The following CASK variants were observed in gnomAD, a reference collection of about 807,000 sequenced individuals.
CASK encodes the protein calcium/calmodulin dependent serine protein kinase.
CASK carries 4 observed loss-of-function variants against 82.9 expected under a neutral mutation model. The observed-to-expected ratio is 0.05, with a 90% CI of 0.02 to 0.11. The LOEUF is 0.11. CASK is among the 10% of genes least tolerant of loss of function. CASK has a pLI of 1.00. For synonymous variants in CASK, 259 were observed against 253.5 expected (o/e 1.02, Z -0.20); for missense variants, 358 against 720.9 (o/e 0.50, Z 5.76).
chrX:41,773,514 C>T (rs1424042721), intron 3 of CASK, among the ~76,000 whole-genome samples: 2 of 111,317 alleles, frequency 1.8e-5, no homozygotes, highest in African/African-American at 6.5e-5. Context: ...CAATGCAATT[C>T]ACTACAGCAA....
At chrX:41,680,689 C>T (rs1357434420) in intron 5 of CASK, among the ~76,000 whole-genome samples, 1 of 109,579 alleles carries the variant, frequency 9.1e-6, no homozygotes, top group Non-Finnish European at 1.9e-5. Context: ...AAGGCCGAGG[C>T]GGGAGGATCA....
At chrX:41,678,484 T>G (rs746612941) in intron 5 of CASK, among the ~76,000 whole-genome samples, 1 of 112,203 alleles carries the variant, frequency 8.9e-6, no homozygotes, top group Non-Finnish European at 1.9e-5. Flanking sequence ...AGATTCAGAT[T>G]CAATTTTAGT....
chrX:41,820,300 A>G (rs1248452536), intron 2 of CASK, among the ~76,000 whole-genome samples: 2 of 111,344 alleles, frequency 1.8e-5, no homozygotes, highest in Non-Finnish European at 3.8e-5. Flanking sequence ...AGCCACTAGA[A>G]TAAGTAAATT....
At chrX:41,868,438 A>G (rs1425663358) in intron 1 of CASK, among the ~76,000 whole-genome samples, 1 of 112,094 alleles carries the variant, frequency 8.9e-6, no homozygotes, top group Non-Finnish European at 1.9e-5. Context: ...ATATTTTACA[A>G]TGAACTTACA....
intron 2 of CASK, among the ~76,000 whole-genome samples, chrX:41,804,715 G>T (rs1262226948): frequency 9.0e-6 from 1 of 111,468 alleles, no homozygotes; most frequent in African/African-American, 3.3e-5. Context: ...AAATTATAAA[G>T]CTCCCTGTCG....
rs202063855 is a variant in CASK at position 41,657,504 on chromosome X, T to C, written c.831+2935A>G. ...TAATGTGGCAGTGTCTTTTGAATTA[T>C]ATATTCTTTTATATTTCTTTTTTTT... On this transcript the variant is annotated intron_variant, in intron 8 of 26. Coordinates refer to ENST00000378163, the MANE Select transcript of CASK (RefSeq NM_001367721.1). Among the ~76,000 whole-genome samples, 6 of 111,876 alleles carry C rather than the reference T, an allele frequency of 5.4e-5. No individual in the cohort carries two copies. In the East Asian group the frequency reaches 1.7e-3, roughly 31 times the overall value.
intron 5 of CASK, chrX:41,729,767 AAAAAAAAAAAAAAAAT>A (rs2068345795): frequency 1.2e-5 from 1 of 83,360 alleles, no homozygotes; most frequent in Non-Finnish European, 2.3e-5. Context: ...AAAAAAAAAA[AAAAAAAAAAAAAAAAT>A]ATATATATAT....
chrX:41,699,052 G>A (rs2067745203), intron 5 of CASK, among the ~76,000 whole-genome samples: 1 of 110,039 alleles, frequency 9.1e-6, no homozygotes, highest in Admixed American at 9.8e-5. Flanking sequence ...TCAGCCTCCC[G>A]GGTAGCTAGG....
chrX:41,862,542 GA>G (rs35462461), intron 1 of CASK, among the ~76,000 whole-genome samples: 7,294 of 32,838 alleles, frequency 0.22, 396 homozygotes, highest in Non-Finnish European at 0.28. Flanking sequence ...CTCTGTCTCA[GA>G]AAAAAAAAAA....
intron 8 of CASK, among the ~76,000 whole-genome samples, chrX:41,658,832 A>G (rs1293368930): frequency 9.0e-6 from 1 of 111,621 alleles, no homozygotes; most frequent in Non-Finnish European, 1.9e-5. Context: ...GTCAGTAGTG[A>G]CTTGACCAGA....
In CASK at chrX:41,847,939, G is replaced by A. The variant is rs189329584; in HGVS notation, c.172+5176C>T. Among the ~76,000 whole-genome samples, 464 of 111,977 alleles carry A rather than the reference G, an allele frequency of 4.1e-3. 2 individuals carry two copies. The highest frequency in any genetic ancestry group is 0.013 in the African/African-American group (404 of 30,831). ...AGTCAGCTAGAGGTGAGAAATTAAG[G>A]CCTTCTTAGATTTTTCCTGAGCTTG... On this transcript the variant is annotated intron_variant, in intron 2 of 26. Coordinates refer to ENST00000378163, the MANE Select transcript of CASK (RefSeq NM_001367721.1).
intron 3 of CASK, among the ~76,000 whole-genome samples, chrX:41,780,912 C>G (rs762306082): frequency 3.6e-5 from 4 of 111,310 alleles, no homozygotes; most frequent in Non-Finnish European, 7.5e-5. Context: ...GCCTCCCAAA[C>G]TGCTGGGATT....
At chrX:41,869,811 T>TAAAAAAAA (rs1406071625) in intron 1 of CASK, among the ~76,000 whole-genome samples, 1 of 5,405 alleles carries the variant, frequency 1.9e-4, no homozygotes. Context: ...AGACTCTGTC[T>TAAAAAAAA]CAAAAAAAAA....
At chrX:41,750,560 T>C (rs1042144528) in intron 3 of CASK, among the ~76,000 whole-genome samples, 21 of 112,031 alleles carry the variant, frequency 1.9e-4, no homozygotes, top group African/African-American at 6.5e-4. Context: ...TTCTATACTG[T>C]ATGCAGAGAG....
chrX:41,619,347 C>T (rs2066252615), intron 11 of CASK, among the ~76,000 whole-genome samples: 1 of 108,075 alleles, frequency 9.3e-6, no homozygotes. Flanking sequence ...CTATGTTGTG[C>T]AGGCTGATCT....
intron 1 of CASK, among the ~76,000 whole-genome samples, chrX:41,908,807 A>G (rs1368671984): frequency 8.9e-6 from 1 of 112,290 alleles, no homozygotes; most frequent in Non-Finnish European, 1.9e-5. Context: ...CGAATGCTTT[A>G]TCTTGAGTAG....
chrX:41,876,099 G>A (rs766721978), intron 1 of CASK, among the ~76,000 whole-genome samples: 3 of 111,244 alleles, frequency 2.7e-5, no homozygotes, highest in Non-Finnish European at 3.8e-5. Context: ...CTTCCAACAA[G>A]AGCAACAGTA....
At chrX:41,898,288 G>A (rs905539593) in intron 1 of CASK, among the ~76,000 whole-genome samples, 2 of 111,164 alleles carry the variant, frequency 1.8e-5, no homozygotes, top group African/African-American at 6.5e-5. Context: ...ATAAACCTTT[G>A]TATCTCTTTA....
chrX:41,746,956 C>T (rs941934664), intron 3 of CASK, among the ~76,000 whole-genome samples: 2 of 111,607 alleles, frequency 1.8e-5, no homozygotes, highest in African/African-American at 6.5e-5. Context: ...ACTGGGTGTG[C>T]AAGGAACAAA....
Sources: gnomAD v4.1 joint callset for allele counts (sites outside exome capture counted in the v4.1 genomes callset) on GRCh38, gnomAD v4.1.1 for gene constraint, MANE v1.5 for transcripts, NCBI Gene and HGNC (gene_info 2026-07-23, HGNC 2026-07-21) for gene names.